Variants in DOCK1 observed in about 807,000 individuals in gnomAD.
The protein encoded by DOCK1 is dedicator of cytokinesis protein 1.
In DOCK1, 138 loss-of-function variants were observed where a neutral mutation model predicts 262.7. The ratio of observed to expected loss-of-function variants is 0.53; its 90% confidence interval spans 0.46 to 0.61. The LOEUF is 0.61. DOCK1 is among the 20% of genes least tolerant of loss of function. The pLI is 0.00. For synonymous variants in DOCK1, 866 were observed against 867.4 expected (o/e 1.00, Z 0.03); for missense variants, 1,908 against 2,370.7 (o/e 0.80, Z 4.05).
At chr10:127,089,733 C>T (rs1271991959) in intron 23 of DOCK1, among the ~76,000 whole-genome samples, 1 of 152,158 alleles carries the variant, frequency 6.6e-6, no homozygotes, top group Admixed American at 6.5e-5. Context: ...GGTGGATGCT[C>T]TTGTCTCCAG....
At chr10:127,417,255 G>A (rs1175436399) in intron 44 of DOCK1, among the ~76,000 whole-genome samples, 1 of 152,222 alleles carries the variant, frequency 6.6e-6, no homozygotes, top group Non-Finnish European at 1.5e-5. Flanking sequence ...GTGTGAGGAG[G>A]AGGTTTGGTC....
intron 44 of DOCK1, among the ~76,000 whole-genome samples, 191 bp from the exon 45 acceptor site, chr10:127,418,174 T>C (rs1420446953): frequency 6.6e-6 from 1 of 151,392 alleles, no homozygotes; most frequent in African/African-American, 2.4e-5. Flanking sequence ...AGCTTTGCTT[T>C]GTTCCTTTGG....
At chr10:126,905,668 G>T in intron 1 of DOCK1, 105 bp downstream of exon 1, 1 of 161,064 alleles carries the variant, frequency 6.2e-6, no homozygotes, top group South Asian at 1.9e-4. Context: ...CGCCGGGCCG[G>T]GGAGAGGCGC....
chr10:127,331,087 C>T (rs2062958176), intron 29 of DOCK1, among the ~76,000 whole-genome samples: 1 of 152,154 alleles, frequency 6.6e-6, no homozygotes, highest in African/African-American at 2.4e-5. Flanking sequence ...CCACTTATGG[C>T]TCAGACAAGT....
chr10:127,360,969 T>G (rs1313923476), intron 32 of DOCK1, among the ~76,000 whole-genome samples: 1 of 152,186 alleles, frequency 6.6e-6, no homozygotes, highest in Non-Finnish European at 1.5e-5. Flanking sequence ...GAGCTTGTCA[T>G]GTAAATTGTA....
chr10:127,272,914 A>T lies in DOCK1; in HGVS notation c.3044+15485A>T, dbSNP rs184126887. Reference sequence around the variant, plus strand: ...ACTATCAAGAGGAACAGCACGAAAGACCTGCCCCCATGATTCAATTACTTC... The same window carrying T: ...ACTATCAAGAGGAACAGCACGAAAGTCCTGCCCCCATGATTCAATTACTTC... On this transcript the variant is annotated intron_variant, in intron 29 of 51. Transcript: ENST00000623213. 1.2e-3 allele frequency among the ~76,000 whole-genome samples: 185 copies of T among 152,278 alleles called. 2 individuals carry two copies. The highest frequency in any genetic ancestry group is 4.0e-3 in the African/African-American group (168 of 41,566).
At chr10:126,960,807 CACATAG>C (rs2037151488) in intron 1 of DOCK1, among the ~76,000 whole-genome samples, 1 of 140,310 alleles carries the variant, frequency 7.1e-6, no homozygotes, top group South Asian at 2.3e-4. Flanking sequence ...CACACACACA[CACATAG>C]ATATATACGT....
intron 29 of DOCK1, among the ~76,000 whole-genome samples, chr10:127,272,714 G>T (rs999414586): frequency 2.6e-5 from 4 of 152,190 alleles, no homozygotes; most frequent in African/African-American, 9.6e-5. Context: ...ACATACTTGA[G>T]ACTGGGCAAT....
intron 1 of DOCK1, among the ~76,000 whole-genome samples, chr10:126,932,741 C>T (rs36186828): frequency 0.067 from 10,216 of 152,120 alleles, 493 homozygotes; most frequent in East Asian, 0.16. Flanking sequence ...GCGCACTGGG[C>T]CACTGGCTGA....
At position 127,380,025 on chromosome 10, in the gene DOCK1, T is replaced by A. The variant is rs998008907; in HGVS notation, c.3676-57T>A. 27 of 1,181,434 alleles carry A rather than the reference T, an allele frequency of 2.3e-5. No homozygotes were observed. In the East Asian group the frequency reaches 6.9e-4, roughly 30 times the overall value. 73.2% of individuals were successfully genotyped at this position (1,181,434 alleles called of 1,614,324 possible). ...AAGTATCTTGAATTTTTATTGTGCA[T>A]GTGATACCTTTTGTGGAACAGATTT... On this transcript the variant is annotated intron_variant, in intron 35 of 51. Coordinates refer to ENST00000623213, the MANE Select transcript of DOCK1 (RefSeq NM_001290223.2).
chr10:127,214,369 A>G (rs1414548091), intron 27 of DOCK1, among the ~76,000 whole-genome samples: 1 of 152,132 alleles, frequency 6.6e-6, no homozygotes, highest in Non-Finnish European at 1.5e-5. Flanking sequence ...CCACATATTA[A>G]TGTATCCTTA....
chr10:127,424,073 G>A (rs1015501212), intron 46 of DOCK1, among the ~76,000 whole-genome samples: 5 of 152,060 alleles, frequency 3.3e-5, no homozygotes, highest in African/African-American at 9.7e-5. Context: ...TCAGACCCTC[G>A]GTCTATGTTA....
intron 18 of DOCK1, among the ~76,000 whole-genome samples, chr10:127,033,504 G>A (rs2043384991): frequency 6.6e-6 from 1 of 152,214 alleles, no homozygotes; most frequent in South Asian, 2.1e-4. Context: ...TCCAAATGCA[G>A]CCGTATCACA....
intron 4 of DOCK1, among the ~76,000 whole-genome samples, chr10:126,983,163 T>C (rs760679433): frequency 6.6e-6 from 1 of 152,190 alleles, no homozygotes; most frequent in African/African-American, 2.4e-5. Context: ...ATGAACAGTT[T>C]AGAAACAATT....
At chr10:127,397,715 C>T (rs116816234) in intron 38 of DOCK1, among the ~76,000 whole-genome samples, 4,098 of 148,250 alleles carry the variant, frequency 0.028, 183 homozygotes, top group African/African-American at 0.096. Flanking sequence ...ACCCGGGCAG[C>T]GACTCCTGTG....
intron 27 of DOCK1, among the ~76,000 whole-genome samples, chr10:127,225,365 G>A (rs1405156824): frequency 6.6e-6 from 1 of 152,256 alleles, no homozygotes; most frequent in Non-Finnish European, 1.5e-5. Context: ...AGCAAAGCAC[G>A]GAGGAGAGCA....
intron 29 of DOCK1, among the ~76,000 whole-genome samples, chr10:127,300,584 A>C (rs1338958052): frequency 6.6e-6 from 1 of 152,214 alleles, no homozygotes; most frequent in African/African-American, 2.4e-5. Context: ...AAATGTTACC[A>C]GTCATGCTAG....
rs116067722 is a variant in DOCK1, at chr10:127,435,963, A to G, written c.5060+2535A>G. 9.6e-3 allele frequency among the ~76,000 whole-genome samples: 1,459 copies of G among 152,204 alleles called. 19 individuals are homozygous for G. Among genetic ancestry groups the G allele is most frequent in the African/African-American group, 0.033 (1,356 of 41,526 alleles). ...TTTGTATACGCATCAGGATTTCACA[A>G]CCCGGGTCTTCTCCCTGAGCTAAAC... On this transcript the variant is annotated intron_variant, in intron 48 of 51. Transcript: ENST00000623213.
intron 24 of DOCK1, among the ~76,000 whole-genome samples, chr10:127,108,042 G>T (rs955072182): frequency 6.6e-6 from 1 of 152,220 alleles, no homozygotes; most frequent in African/African-American, 2.4e-5. Context: ...CTTGGCCAGG[G>T]CCGATGCAGG....
Sources: allele counts gnomAD v4.1 joint callset (sites outside exome capture counted in the v4.1 genomes callset), GRCh38; gene constraint gnomAD v4.1.1; transcripts MANE v1.5; gene names NCBI Gene and HGNC (gene_info 2026-07-23, HGNC 2026-07-21).